GOLT1A: variants seen among roughly 807,000 people sequenced by gnomAD.
GOLT1A encodes golgi transport 1A.
In GOLT1A, 10 loss-of-function variants were observed where a neutral mutation model predicts 16.1. The observed-to-expected ratio is 0.62, with a 90% CI of 0.38 to 1.05. The LOEUF (loss-of-function observed/expected upper bound fraction) is 1.05, where lower values mean the gene tolerates loss of function less well. Among genes scored for constraint, GOLT1A ranks in the 50% least tolerant of loss-of-function variants. The pLI is 0.01. For synonymous variants in GOLT1A, 60 were observed against 67.9 expected, an observed-to-expected ratio of 0.88 and a Z score of 0.57; for missense variants, 137 against 165.7, an observed-to-expected ratio of 0.83 and a Z score of 0.95.
chr1:204,201,653 G>T lies in GOLT1A; in HGVS notation c.276C>A (p.Tyr92Ter), dbSNP rs144286378. The T allele has an allele frequency of 1.2e-6, 2 of 1,614,110 alleles. No homozygotes were observed. The highest frequency in any genetic ancestry group is 1.7e-6 in the Non-Finnish European group (2 of 1,179,992). The change falls in exon 3 of 5, where the codon TAC becomes TAA. Residue 92 changes from tyrosine to a stop codon, truncating the protein, a stop_gained. Transcript: ENST00000308302. LOFTEE classifies it high-confidence loss of function. ...WPLLGMFLET[Y>*]GFFSLFKGFF... ...CTCACTTAAAGAGGCTGAAGAATCCGTAGGTTTCCAGGAACATGCCGAGGA... is the reference window on the plus strand; with the variant it reads ...CTCACTTAAAGAGGCTGAAGAATCCTTAGGTTTCCAGGAACATGCCGAGGA...
intron 4 of GOLT1A, 183 bp downstream of exon 4, chr1:204,199,012 T>G: frequency 1.7e-6 from 1 of 601,758 alleles, no homozygotes; most frequent in South Asian, 2.0e-5. Context: ...TCATGGGCTC[T>G]TGTCAAATGG....
intron 3 of GOLT1A, among the ~76,000 whole-genome samples, chr1:204,201,210 G>A (rs1476263779): frequency 6.6e-6 from 1 of 152,140 alleles, no homozygotes; most frequent in Non-Finnish European, 1.5e-5. Context: ...ACTTTGGGCC[G>A]GGGGCAACTT....
intron 2 of GOLT1A, among the ~76,000 whole-genome samples, chr1:204,202,395 C>G (rs538328128): frequency 2.2e-4 from 33 of 152,018 alleles, no homozygotes; most frequent in African/African-American, 7.5e-4. Flanking sequence ...TCCTGCTGTT[C>G]CAATCCCCCT....
Position 204,201,716 on chromosome 1 carries a change from G to A in GOLT1A, c.213C>T (p.Leu71=), listed in dbSNP as rs1399174295. 3.1e-6 allele frequency: 5 copies of A among 1,614,080 alleles called. No homozygotes were observed. The highest frequency in any genetic ancestry group is 2.7e-5 in the African/African-American group (2 of 74,922). ...GGAGCACGATAACCACACCCCCCAG[G>A]AGGAAGCTGGTTCCCTTGAGTTTGT... ...QRHKLKGTSF[L]LGGVVIVLLR... The change falls in exon 3 of 5, where the codon CTC becomes CTT. Residue 71 remains leucine (L), a synonymous_variant. Coordinates refer to ENST00000308302, the MANE Select transcript of GOLT1A (RefSeq NM_198447.2).
chr1:204,200,448 C>T (rs767230136), intron 3 of GOLT1A, among the ~76,000 whole-genome samples: 43 of 150,778 alleles, frequency 2.9e-4, no homozygotes, highest in Non-Finnish European at 1.5e-4. Context: ...CTCAGCCTCC[C>T]GAGTAGCTGG....
chr1:204,201,850 G>C, intron 2 of GOLT1A, 39 bp from the exon 3 acceptor site: 2 of 1,593,806 alleles, frequency 1.3e-6, no homozygotes, highest in Admixed American at 1.7e-5. Context: ...AAACCCACCA[G>C]CCCCCTGAGG....
intron 1 of GOLT1A, 82 bp from the exon 2 acceptor site, chr1:204,203,069 C>T: frequency 9.8e-7 from 1 of 1,015,312 alleles, no homozygotes; most frequent in Non-Finnish European, 1.5e-6. Context: ...TGCCACAGGA[C>T]AGGTGCCCTC....
At chr1:204,200,318 T>TATATATATATATATATATATATAC (rs1571671883) in intron 3 of GOLT1A, among the ~76,000 whole-genome samples, 2 of 118,378 alleles carry the variant, frequency 1.7e-5, no homozygotes, top group East Asian at 4.4e-4. Context: ...TATATATATA[T>TATATATATATATATATATATATAC]ATGTTTTTGT....
chr1:204,208,470 G>T lies in GOLT1A; in HGVS notation c.25+5412C>A, dbSNP rs1387438943. ...TGTATATATGTATACTTGTGTGTGT[G>T]TGTGTGTATATATATATATATATAT... On this transcript the variant is annotated intron_variant, in intron 1 of 4. Transcript: ENST00000308302. Among the ~76,000 whole-genome samples the T allele has an allele frequency of 3.3e-3, 83 of 24,888 alleles. 3 individuals carry two copies. Among genetic ancestry groups the T allele is most frequent in the African/African-American group, 7.9e-3 (73 of 9,184 alleles). The allele number at this position is 24,888 out of a possible 152,430, so 16.3% of individuals were successfully genotyped here.
chr1:204,206,766 A>C (rs759630819), intron 1 of GOLT1A, among the ~76,000 whole-genome samples: 11 of 152,232 alleles, frequency 7.2e-5, no homozygotes, highest in Non-Finnish European at 1.6e-4. Flanking sequence ...GCACACACTT[A>C]AGAACAGCCT....
At position 204,199,970 on chromosome 1, in the gene GOLT1A, T is replaced by A. The variant is rs1329615263; in HGVS notation, c.297-712A>T. On this transcript the variant is annotated intron_variant, in intron 3 of 4. Transcript: ENST00000308302. Reference sequence around the variant, plus strand: ...GCCACTTCCTTACCGTGGGCCTCAATTTTCCAAGGTTTCACTGCACTCTGA... The same window carrying A: ...GCCACTTCCTTACCGTGGGCCTCAAATTTCCAAGGTTTCACTGCACTCTGA... 2.6e-5 allele frequency among the ~76,000 whole-genome samples: 4 copies of A among 152,118 alleles called. No individual in the cohort carries two copies. In the East Asian group the frequency reaches 7.7e-4, roughly 29 times the overall value.
At chr1:204,205,807 C>T (rs1659030725) in intron 1 of GOLT1A, among the ~76,000 whole-genome samples, 3 of 152,204 alleles carry the variant, frequency 2.0e-5, no homozygotes, top group African/African-American at 7.2e-5. Flanking sequence ...CAATGGCTCA[C>T]ACCTGTAATC....
chr1:204,204,755 T>C (rs1367210879), intron 1 of GOLT1A, among the ~76,000 whole-genome samples: 1 of 152,246 alleles, frequency 6.6e-6, no homozygotes, highest in Non-Finnish European at 1.5e-5. Context: ...TTGTTTTCCA[T>C]TGTGACTGCA....
chr1:204,210,771 C>G (rs577061638), intron 1 of GOLT1A, among the ~76,000 whole-genome samples: 1 of 152,300 alleles, frequency 6.6e-6, no homozygotes, highest in South Asian at 2.1e-4. Context: ...ACACTGATGT[C>G]TCTCTTTCTA....
At chr1:204,199,351 C>G (rs933819470) in intron 3 of GOLT1A, 93 bp from the exon 4 acceptor site, 9 of 942,838 alleles carry the variant, frequency 9.5e-6, no homozygotes, top group Non-Finnish European at 1.4e-5. Context: ...GGTTCAAGCT[C>G]TGGCTTCCAC....
At chr1:204,208,167 G>A (rs769895671) in intron 1 of GOLT1A, among the ~76,000 whole-genome samples, 8 of 151,982 alleles carry the variant, frequency 5.3e-5, no homozygotes, top group Middle Eastern at 6.8e-3. Flanking sequence ...GTATCTCCCC[G>A]GAGGAAAATA....
chr1:204,198,656 G>C (rs939633871), intron 4 of GOLT1A, among the ~76,000 whole-genome samples, 160 bp from the exon 5 acceptor site: 1 of 152,174 alleles, frequency 6.6e-6, no homozygotes, highest in Non-Finnish European at 1.5e-5. Context: ...TGGGGTGCTG[G>C]CTGTAGGGTC....
intron 1 of GOLT1A, among the ~76,000 whole-genome samples, chr1:204,206,693 C>A (rs1247141675): frequency 6.6e-6 from 1 of 152,234 alleles, no homozygotes; most frequent in Non-Finnish European, 1.5e-5. Context: ...TGTGTGGAAA[C>A]ACGATGTGCA....
chr1:204,206,050 A>G (rs557046560), intron 1 of GOLT1A, among the ~76,000 whole-genome samples: 1 of 152,320 alleles, frequency 6.6e-6, no homozygotes, highest in Admixed American at 6.5e-5. Context: ...AGCCTGGGTA[A>G]CAAGAGCAAA....
Sources: allele counts gnomAD v4.1 joint callset (sites outside exome capture counted in the v4.1 genomes callset), GRCh38; gene constraint gnomAD v4.1.1; transcripts MANE v1.5; gene names NCBI Gene and HGNC (gene_info 2026-07-23, HGNC 2026-07-21).